The following PCDH11X variants were observed in gnomAD, a reference collection of about 807,000 sequenced individuals.
PCDH11X encodes protocadherin 11 X-linked.
A neutral mutation model predicts 53.3 loss-of-function variants in PCDH11X; 18 were observed. The ratio of observed to expected loss-of-function variants is 0.34; its 90% CI spans 0.23 to 0.50. The LOEUF (loss-of-function observed/expected upper bound fraction) is 0.50, where lower values mean the gene tolerates loss of function less well. PCDH11X is among the 20% of genes least tolerant of loss of function. PCDH11X has a pLI of 0.98. For synonymous variants in PCDH11X, 279 were observed against 393.3 expected (o/e 0.71, Z 3.44); for missense variants, 570 against 1,032.4 (o/e 0.55, Z 6.14).
chrX:92,040,643 G>A (rs1233949443), intron 6 of PCDH11X, among the ~76,000 whole-genome samples: 5 of 111,424 alleles, frequency 4.5e-5, no homozygotes, highest in Non-Finnish European at 7.5e-5. Context: ...CAAGTAATGT[G>A]ATTGCTAACC....
chrX:92,320,788 A>ACTT (rs1467917900), intron 8 of PCDH11X, among the ~76,000 whole-genome samples: 1 of 111,590 alleles, frequency 9.0e-6, no homozygotes, highest in African/African-American at 3.3e-5. Flanking sequence ...AGAGACAGGC[A>ACTT]CTTTAAAGAA....
rs1032566792 is a variant in PCDH11X at position 92,222,003 on chromosome X, T to G, written c.3114+20548T>G. ...TGCACGCCACCATACTCAGCTAATT[T>G]TTGTATTTTTAGTAGAGATGGGGTT... On this transcript the variant is annotated intron_variant, in intron 7 of 10. Transcript: ENST00000682573. 4.5e-5 allele frequency among the ~76,000 whole-genome samples: 5 copies of G among 111,128 alleles called. No individual in the cohort carries two copies. In the Admixed American group the frequency reaches 4.8e-4, roughly 11 times the overall value.
intron 10 of PCDH11X, among the ~76,000 whole-genome samples, chrX:92,615,120 A>T (rs1927824445): frequency 9.0e-6 from 1 of 111,573 alleles, no homozygotes; most frequent in Admixed American, 9.5e-5. Context: ...ATCTGTCTGC[A>T]TGTGTTGTGA....
intron 5 of PCDH11X, among the ~76,000 whole-genome samples, chrX:91,858,463 A>C (rs1307685782): frequency 9.0e-6 from 1 of 111,705 alleles, no homozygotes; most frequent in Non-Finnish European, 1.9e-5. Context: ...TCTCTTTTCA[A>C]TCACATTGTC....
At chrX:91,881,512 CT>C (rs1168407509) in intron 6 of PCDH11X, among the ~76,000 whole-genome samples, 1 of 111,010 alleles carries the variant, frequency 9.0e-6, no homozygotes, top group Non-Finnish European at 1.9e-5. Flanking sequence ...TACTAAATAT[CT>C]TCAAGACATG....
chrX:92,134,203 T>C (rs751180545), intron 6 of PCDH11X, among the ~76,000 whole-genome samples: 1 of 111,577 alleles, frequency 9.0e-6, no homozygotes, highest in African/African-American at 3.3e-5. Flanking sequence ...GAGGGATGAC[T>C]TTGAGTTCTG....
chrX:92,083,173 T>C (rs1318657476), intron 6 of PCDH11X, among the ~76,000 whole-genome samples: 1 of 111,809 alleles, frequency 8.9e-6, no homozygotes, highest in Non-Finnish European at 1.9e-5. Context: ...CTAGGAAATA[T>C]ATGGTTGGAT....
At chrX:92,190,562 C>A (rs1187244944) in intron 6 of PCDH11X, among the ~76,000 whole-genome samples, 1 of 111,977 alleles carries the variant, frequency 8.9e-6, no homozygotes, top group Non-Finnish European at 1.9e-5. Context: ...CAGGTTCTTA[C>A]TTCAAAACAA....
chrX:92,412,433 A>C (rs1240512720), intron 9 of PCDH11X, among the ~76,000 whole-genome samples: 8 of 100,446 alleles, frequency 8.0e-5, no homozygotes, highest in Non-Finnish European at 1.6e-4. Context: ...GAGGTGCTAC[A>C]CTGTCACAGG....
intron 1 of PCDH11X, among the ~76,000 whole-genome samples, chrX:91,799,439 T>A (rs1296386772): frequency 9.0e-6 from 1 of 111,492 alleles, no homozygotes; most frequent in Non-Finnish European, 1.9e-5. Flanking sequence ...TTTTTTGGTA[T>A]AATGTGATAT....
In PCDH11X at chrX:92,211,373, G is replaced by A. The variant is rs893434276; in HGVS notation, c.3114+9918G>A. ...CATGAGAACAACAAGAGGGAAACCC[G>A]CCACCATGATCCAATTACTTCCTAC... On this transcript the variant is annotated intron_variant, in intron 7 of 10. Coordinates refer to ENST00000682573, the MANE Select transcript of PCDH11X (RefSeq NM_032968.5). Among the ~76,000 whole-genome samples, 6 of 111,370 alleles carry A rather than the reference G, an allele frequency of 5.4e-5. No homozygotes were observed. The Admixed American group carries it at 5.7e-4, about 11-fold the overall frequency.
At chrX:92,228,971 T>A (rs1275559678) in intron 7 of PCDH11X, among the ~76,000 whole-genome samples, 1 of 111,469 alleles carries the variant, frequency 9.0e-6, no homozygotes, top group African/African-American at 3.3e-5. Context: ...ACTCAAAGAG[T>A]ATTTCTTTCC....
At chrX:92,097,736 C>T (rs2064165077) in intron 6 of PCDH11X, among the ~76,000 whole-genome samples, 1 of 110,185 alleles carries the variant, frequency 9.1e-6, no homozygotes, top group South Asian at 3.8e-4. Context: ...TATATTCAGT[C>T]CTCCCTTGGT....
intron 10 of PCDH11X, among the ~76,000 whole-genome samples, chrX:92,554,223 AT>A (rs1229759431): frequency 1.0e-5 from 1 of 98,247 alleles, no homozygotes; most frequent in East Asian, 3.2e-4. Context: ...AAACAAAGAT[AT>A]TCTACATTCT....
intron 9 of PCDH11X, among the ~76,000 whole-genome samples, chrX:92,414,654 T>A (rs1340465268): frequency 9.1e-6 from 1 of 109,794 alleles, no homozygotes; most frequent in Non-Finnish European, 1.9e-5. Context: ...TATTGACACA[T>A]ACACTTTCAT....
intron 6 of PCDH11X, among the ~76,000 whole-genome samples, chrX:92,054,231 T>A (rs905525802): frequency 9.0e-6 from 1 of 111,666 alleles, no homozygotes; most frequent in East Asian, 2.8e-4. Flanking sequence ...TTATGTCTAC[T>A]TGGGACCTAG....
Position 92,510,087 on chromosome X carries a change from C to T in PCDH11X, c.3367+41765C>T, listed in dbSNP as rs747531643. Among the ~76,000 whole-genome samples, 227 of 103,019 alleles carry T rather than the reference C, an allele frequency of 2.2e-3. 1 individual carries two copies. The highest frequency in any genetic ancestry group is 7.5e-3 in the African/African-American group (223 of 29,555). 89.5% of individuals were successfully genotyped at this position (103,019 alleles called of 115,157 possible). ...TGGTCAGGCTTGTGTGAAAACAAACCTGCAGTATACAATTTCAGGGTGAGT... is the reference window on the plus strand; with the variant it reads ...TGGTCAGGCTTGTGTGAAAACAAACTTGCAGTATACAATTTCAGGGTGAGT... On this transcript the variant is annotated intron_variant, in intron 10 of 10. Transcript: ENST00000682573.
At chrX:92,139,270 CT>C (rs1227547175) in intron 6 of PCDH11X, among the ~76,000 whole-genome samples, 74 of 82,787 alleles carry the variant, frequency 8.9e-4, no homozygotes, top group Middle Eastern at 0.013. Flanking sequence ...TTCTTTCTTT[CT>C]TTTTTTTTTT....
chrX:92,278,995 G>A (rs1341169149), intron 8 of PCDH11X, among the ~76,000 whole-genome samples: 1 of 109,953 alleles, frequency 9.1e-6, no homozygotes, highest in East Asian at 2.9e-4. Context: ...ATTTTTAGTA[G>A]AGACAGGGTT....
Sources: gnomAD v4.1 joint callset for allele counts (sites outside exome capture counted in the v4.1 genomes callset) on GRCh38, gnomAD v4.1.1 for gene constraint, MANE v1.5 for transcripts, NCBI Gene and HGNC (gene_info 2026-07-23, HGNC 2026-07-21) for gene names.